The following ADARB2 variants were observed in gnomAD, a reference collection of about 807,000 sequenced individuals.
ADARB2 encodes adenosine deaminase RNA specific B2 (inactive), also known as inactive double-stranded RNA-specific editase B2.
A neutral mutation model predicts 62.2 loss-of-function variants in ADARB2; 25 were observed. That is an observed-to-expected ratio of 0.40 (90% confidence interval 0.29 to 0.56). The LOEUF (loss-of-function observed/expected upper bound fraction) is 0.56. Ranked by LOEUF, ADARB2 falls within the 20% of genes least tolerant of loss-of-function variation. The pLI is 0.43. For synonymous variants in ADARB2, 572 were observed against 500.8 expected (o/e 1.14, Z -1.90); for missense variants, 1,071 against 1,077.4 (o/e 0.99, Z 0.08).
intron 3 of ADARB2, among the ~76,000 whole-genome samples, chr10:1,345,033 G>A (rs1832065766): frequency 6.6e-6 from 1 of 152,188 alleles, no homozygotes; most frequent in Admixed American, 6.5e-5. Context: ...GGCACATGGA[G>A]GAAACCGCCG....
At chr10:1,354,133 T>A (rs1832171479) in intron 3 of ADARB2, among the ~76,000 whole-genome samples, 1 of 152,024 alleles carries the variant, frequency 6.6e-6, no homozygotes, top group Non-Finnish European at 1.5e-5. Context: ...GCCCATTATC[T>A]CTCCATACCA....
chr10:1,510,110 C>CTCTTTCTTTCTCTCTT, intron 1 of ADARB2, among the ~76,000 whole-genome samples: 1 of 106,252 alleles, frequency 9.4e-6, no homozygotes, highest in Non-Finnish European at 1.9e-5. Context: ...CTTTCTTTCT[C>CTCTTTCTTTCTCTCTT]TCTTTCTTTC....
chr10:1,217,148 A>G, intron 6 of ADARB2, 29 bp from the exon 7 acceptor site: 1 of 1,530,612 alleles, frequency 6.5e-7, no homozygotes, highest in Non-Finnish European at 8.8e-7. Context: ...GGGAGGGGTG[A>G]GAAGAGGGAA....
At chr10:1,465,521 C>A (rs575080567) in intron 1 of ADARB2, among the ~76,000 whole-genome samples, 1 of 152,158 alleles carries the variant, frequency 6.6e-6, no homozygotes, top group South Asian at 2.1e-4. Flanking sequence ...ACCGCAGTGC[C>A]GACACAGTGA....
chr10:1,478,708 G>A (rs1434357516), intron 1 of ADARB2, among the ~76,000 whole-genome samples: 14 of 150,336 alleles, frequency 9.3e-5, no homozygotes, highest in Admixed American at 6.6e-5. Flanking sequence ...GGACGGGAGA[G>A]CGCCAAAACA....
intron 3 of ADARB2, chr10:1,290,732 G>C (rs950436683): frequency 5.3e-5 from 8 of 152,234 alleles, no homozygotes; most frequent in African/African-American, 1.9e-4. Context: ...GTCGTCCACA[G>C]TTTCCTAAAT....
intron 1 of ADARB2, among the ~76,000 whole-genome samples, chr10:1,385,054 C>T (rs1035621474): frequency 3.9e-5 from 6 of 152,250 alleles, no homozygotes; most frequent in Admixed American, 1.3e-4. Flanking sequence ...CGTGAACATG[C>T]GCTAACAAAG....
chr10:1,684,614 C>T (rs2119119985), intron 1 of ADARB2, among the ~76,000 whole-genome samples: 1 of 152,288 alleles, frequency 6.6e-6, no homozygotes, highest in South Asian at 2.1e-4. Flanking sequence ...CACCAAATGG[C>T]AATAGTGTTT....
chr10:1,275,274 T>C (rs1046524200), intron 3 of ADARB2, among the ~76,000 whole-genome samples: 33 of 152,184 alleles, frequency 2.2e-4, no homozygotes, highest in Admixed American at 1.4e-3. Flanking sequence ...CTGGTAGAGA[T>C]GGCCTTGAAC....
At chr10:1,532,176 T>C (rs149578324) in intron 1 of ADARB2, among the ~76,000 whole-genome samples, 1 of 152,256 alleles carries the variant, frequency 6.6e-6, no homozygotes, top group Non-Finnish European at 1.5e-5. Flanking sequence ...GGTTCTGTGA[T>C]GCTTTCTGGA....
At chr10:1,626,493 C>T (rs1422848336) in intron 1 of ADARB2, among the ~76,000 whole-genome samples, 2 of 152,230 alleles carry the variant, frequency 1.3e-5, no homozygotes, top group South Asian at 4.1e-4. Flanking sequence ...CTCTGCTCAG[C>T]AGCCGAGGTC....
At chr10:1,576,584 T>A (rs1588309103) in intron 1 of ADARB2, among the ~76,000 whole-genome samples, 1 of 152,278 alleles carries the variant, frequency 6.6e-6, no homozygotes, top group East Asian at 1.9e-4. Context: ...GGTCTGTGTC[T>A]CCATCCAGCG....
chr10:1,533,288 CTT>C (rs5782582), intron 1 of ADARB2, among the ~76,000 whole-genome samples: 1 of 142,580 alleles, frequency 7.0e-6, no homozygotes, highest in African/African-American at 2.6e-5. Context: ...CTGGCTCATT[CTT>C]TTTTTTTTTT....
chr10:1,720,379 TC>T (rs1835074822), intron 1 of ADARB2, among the ~76,000 whole-genome samples: 1 of 151,930 alleles, frequency 6.6e-6, no homozygotes, highest in Non-Finnish European at 1.5e-5. Context: ...ACTAGAAGGG[TC>T]CGGAGAAGAA....
At chr10:1,647,320 A>G (rs562769857) in intron 1 of ADARB2, among the ~76,000 whole-genome samples, 117 of 152,272 alleles carry the variant, frequency 7.7e-4, no homozygotes, top group Non-Finnish European at 1.2e-3. Context: ...ATGAAAAAAA[A>G]GTGTGTGTGC....
At chr10:1,625,535 C>G (rs1354853887) in intron 1 of ADARB2, among the ~76,000 whole-genome samples, 1 of 152,026 alleles carries the variant, frequency 6.6e-6, no homozygotes, top group Non-Finnish European at 1.5e-5. Flanking sequence ...AGGTGCAGGG[C>G]TTGGTTTTGG....
At chr10:1,510,110 C>CTCTTTTTCTTTCTTTCTTTCTT (rs1831908783) in intron 1 of ADARB2, among the ~76,000 whole-genome samples, 1 of 106,184 alleles carries the variant, frequency 9.4e-6, no homozygotes, top group Admixed American at 1.1e-4. Flanking sequence ...CTTTCTTTCT[C>CTCTTTTTCTTTCTTTCTTTCTT]TCTTTCTTTC....
At chr10:1,338,651 A>G in intron 3 of ADARB2, among the ~76,000 whole-genome samples, 1 of 152,228 alleles carries the variant, frequency 6.6e-6, no homozygotes, top group East Asian at 1.9e-4. Flanking sequence ...AATCTAAAAC[A>G]TGAATGGAAA....
intron 1 of ADARB2, among the ~76,000 whole-genome samples, chr10:1,451,438 G>T (rs551920872): frequency 6.6e-6 from 1 of 152,254 alleles, no homozygotes; most frequent in South Asian, 2.1e-4. Flanking sequence ...AGGCAACTTG[G>T]ACTGATCCTT....
Sources: gnomAD v4.1 joint callset for allele counts (sites outside exome capture counted in the v4.1 genomes callset) on GRCh38, gnomAD v4.1.1 for gene constraint, MANE v1.5 for transcripts, NCBI Gene and HGNC (gene_info 2026-07-23, HGNC 2026-07-21) for gene names.